Variants in CHAF1B observed in about 807,000 individuals in gnomAD.
The protein encoded by CHAF1B is CAF-1 subunit B.
CHAF1B carries 10 observed loss-of-function variants against 60.7 expected under a neutral mutation model. That is an observed-to-expected ratio of 0.16 (90% confidence interval 0.10 to 0.28). The LOEUF is 0.28. Among genes scored for constraint, CHAF1B ranks in the 10% least tolerant of loss-of-function variants. CHAF1B has a pLI of 1.00. For synonymous variants in CHAF1B, 261 were observed against 266.1 expected, an observed-to-expected ratio of 0.98 and a Z score of 0.19; for missense variants, 558 against 708.4, an observed-to-expected ratio of 0.79 and a Z score of 2.41.
rs2086326063 is a variant in CHAF1B, at chr21:36,417,179, C to T, written c.*813C>T. On this transcript the variant is annotated 3_prime_UTR_variant, in exon 14 of 14. Transcript: ENST00000314103. ...CTCGACCTCCTGGGCTCGAGCGATC[C>T]TTCCACCTCAGCTTCCCGAGTAGCT... 6.6e-6 allele frequency: 1 copy of T among 151,714 alleles called. No individual in the cohort carries two copies. 9.4% of individuals were successfully genotyped at this position (151,714 alleles called of 1,614,324 possible). A position where few individuals can be genotyped will look rare whatever the true frequency, so the allele number is the denominator to read the frequency against.
At chr21:36,403,627 T>C (rs982809594) in intron 8 of CHAF1B, among the ~76,000 whole-genome samples, 1 of 152,160 alleles carries the variant, frequency 6.6e-6, no homozygotes, top group African/African-American at 2.4e-5. Flanking sequence ...ATTAGACTCA[T>C]GGACAAACTT....
intron 2 of CHAF1B, among the ~76,000 whole-genome samples, chr21:36,386,729 T>TC (rs1047409967): frequency 2.0e-5 from 3 of 152,082 alleles, no homozygotes; most frequent in African/African-American, 7.2e-5. Context: ...TTTTTTTTTT[T>TC]TTGAGACGGA....
At chr21:36,413,803 C>T (rs1465598647) in intron 12 of CHAF1B, among the ~76,000 whole-genome samples, 1 of 152,204 alleles carries the variant, frequency 6.6e-6, no homozygotes, top group African/African-American at 2.4e-5. Flanking sequence ...TTTCCCTTGT[C>T]ACCACACATC....
chr21:36,415,353 G>C lies in CHAF1B; in HGVS notation c.1552G>C (p.Val518Leu). 1 of 1,611,610 alleles carries C rather than the reference G, an allele frequency of 6.2e-7. No homozygotes were observed. Among genetic ancestry groups the C allele is most frequent in the Admixed American group, 1.7e-5 (1 of 59,996 alleles). The change falls in exon 13 of 14, where the codon GTG becomes CTG. Residue 518 changes from valine to leucine, a missense_variant. Val to Leu is a conservative substitution (Grantham distance 32). Around this residue, in one of 2 missense-constraint regions of CHAF1B, gnomAD observed 233 missense variants for 214.9 expected, o/e 1.08. Coordinates refer to ENST00000314103, the MANE Select transcript of CHAF1B (RefSeq NM_005441.3). ...DTPPSSVPTS[V>L]ISTPSTEEIQ... ...TCCACCAAGTTCTGTACCAACCAGT[G>C]TGATTTCCACCCCTTCTACAGAAGA...
chr21:36,412,720 T>A, intron 11 of CHAF1B, 164 bp from the exon 12 acceptor site: 1 of 663,816 alleles, frequency 1.5e-6, no homozygotes, highest in Non-Finnish European at 2.5e-6. Context: ...CAAATCGCGA[T>A]GAAACTGCAT....
intron 7 of CHAF1B, 112 bp downstream of exon 7, chr21:36,399,717 C>A: frequency 1.2e-6 from 1 of 821,956 alleles, no homozygotes; most frequent in East Asian, 2.5e-5. Context: ...GAGCCGATTC[C>A]AGAACTACAA....
chr21:36,407,747 G>A (rs2086249104), intron 8 of CHAF1B, among the ~76,000 whole-genome samples: 1 of 152,158 alleles, frequency 6.6e-6, no homozygotes, highest in Non-Finnish European at 1.5e-5. Context: ...GGAGGCGGAG[G>A]AGGGCAGATC....
intron 2 of CHAF1B, among the ~76,000 whole-genome samples, 180 bp downstream of exon 2, chr21:36,386,442 C>T (rs936015008): frequency 6.6e-6 from 1 of 152,100 alleles, no homozygotes. Flanking sequence ...GGGCAACAGC[C>T]AGACATGAAA....
Position 36,386,268 on chromosome 21 carries a change from C to G in CHAF1B, c.126+6C>G, listed in dbSNP as rs1287063361. The G allele has an allele frequency of 6.2e-7, 1 of 1,613,628 alleles. No homozygotes were observed. Among genetic ancestry groups the G allele is most frequent in the Non-Finnish European group, 8.5e-7 (1 of 1,179,846 alleles). Reference sequence around the variant, plus strand: ...GCGTGGACACCAATGTCAGGGTAAACTGGGGCAGAGATAGACATCCGGGAA... The same window carrying G: ...GCGTGGACACCAATGTCAGGGTAAAGTGGGGCAGAGATAGACATCCGGGAA... On this transcript the variant is annotated splice_donor_region_variant and intron_variant, in intron 2 of 13. Transcript: ENST00000314103.
intron 10 of CHAF1B, 131 bp from the exon 11 acceptor site, chr21:36,411,332 T>C: frequency 9.2e-7 from 1 of 1,089,652 alleles, no homozygotes; most frequent in Non-Finnish European, 1.3e-6. Flanking sequence ...TAGGCAGGTC[T>C]CAAACTCCTG....
In CHAF1B at chr21:36,385,430, C is replaced by T. The variant is rs1382352706; in HGVS notation, c.-99C>T. 1 of 152,114 alleles carries T rather than the reference C, an allele frequency of 6.6e-6. No individual in the cohort carries two copies. Among genetic ancestry groups the T allele is most frequent in the African/African-American group, 2.4e-5 (1 of 41,424 alleles). The allele number at this position is 152,114 out of a possible 1,614,324, so 9.4% of individuals were successfully genotyped here. On this transcript the variant is annotated 5_prime_UTR_variant, in exon 1 of 14. Transcript: ENST00000314103. ...CGCTGCGCGGGAGGTGACGGTGCCT[C>T]TGACTGTCCGGGTCCCTCCAGGTAC...
intron 8 of CHAF1B, among the ~76,000 whole-genome samples, chr21:36,408,499 C>T (rs1410967032): frequency 6.6e-6 from 1 of 152,204 alleles, no homozygotes; most frequent in Non-Finnish European, 1.5e-5. Flanking sequence ...ACTATGTTCT[C>T]CTCGCCCAAG....
intron 12 of CHAF1B, among the ~76,000 whole-genome samples, chr21:36,414,881 G>A (rs1415628529): frequency 6.6e-6 from 1 of 152,148 alleles, no homozygotes; most frequent in Non-Finnish European, 1.5e-5. Context: ...CCAAAGTGCT[G>A]GGATTACAGG....
rs1010287406 is a variant in CHAF1B at position 36,413,121 on chromosome 21, T to A, written c.1299T>A (p.Thr433=). 49 of 1,612,836 alleles carry A rather than the reference T, an allele frequency of 3.0e-5. No homozygotes were observed. The highest frequency in any genetic ancestry group is 5.0e-5 in the Admixed American group (3 of 59,872). ...AAGACCCCAGCAGCCCCGGCACGACTCCCCCTCAGGCCAGACAGGCCCCAG... is the reference window on the plus strand; with the variant it reads ...AAGACCCCAGCAGCCCCGGCACGACACCCCCTCAGGCCAGACAGGCCCCAG... The part of the protein sequence containing the change: ...RTQDPSSPGT[T]PPQARQAPAP... Residue 433 remains threonine (T), a synonymous_variant, in exon 12 of 14, where the codon ACT becomes ACA. Coordinates refer to ENST00000314103, the MANE Select transcript of CHAF1B (RefSeq NM_005441.3).
At chr21:36,404,421 T>C (rs1243683898) in intron 8 of CHAF1B, among the ~76,000 whole-genome samples, 2 of 147,618 alleles carry the variant, frequency 1.4e-5, no homozygotes, top group Non-Finnish European at 3.0e-5. Flanking sequence ...TTAAATTATT[T>C]ATTTTATTTA....
intron 8 of CHAF1B, among the ~76,000 whole-genome samples, chr21:36,408,331 A>G (rs1056547299): frequency 2.0e-5 from 3 of 152,128 alleles, no homozygotes; most frequent in Admixed American, 6.6e-5. Flanking sequence ...GAAGTTGGGG[A>G]AAGGCGAGTC....
chr21:36,410,897 G>A (rs2086273427), intron 10 of CHAF1B, among the ~76,000 whole-genome samples: 2 of 151,964 alleles, frequency 1.3e-5, no homozygotes, highest in Admixed American at 6.6e-5. Context: ...CTGACCTCAG[G>A]TGATCTGCCC....
At chr21:36,397,368 G>A (rs765615392) in intron 5 of CHAF1B, 47 bp from the exon 6 acceptor site, 1 of 988,916 alleles carries the variant, frequency 1.0e-6, no homozygotes, top group South Asian at 1.7e-5. Flanking sequence ...GCTCAAACAG[G>A]TTTTGGTAAT....
At position 36,405,760 on chromosome 21, in the gene CHAF1B, A is replaced by G. The variant is rs1314213984; in HGVS notation, c.757+2909A>G. ...GTAAATTTAATGAGAAAGGGGCAGG[A>G]CCTTTATGGAGAAGTCTAGAAGGTC... is the stretch of plus-strand genomic sequence containing the variant. On this transcript the variant is annotated intron_variant, in intron 8 of 13. Transcript: ENST00000314103. Among the ~76,000 whole-genome samples the G allele has an allele frequency of 2.6e-5, 4 of 152,114 alleles. No individual in the cohort carries two copies. The East Asian group carries it at 7.7e-4, about 29-fold the overall frequency.
Sources: allele counts gnomAD v4.1 joint callset (sites outside exome capture counted in the v4.1 genomes callset), GRCh38; gene constraint gnomAD v4.1.1; regional missense constraint gnomAD v4.1.1; transcripts MANE v1.5; gene names NCBI Gene and HGNC (gene_info 2026-07-23, HGNC 2026-07-21).